The following CAST variants were observed in gnomAD, a reference collection of about 807,000 sequenced individuals.
CAST encodes the protein calpastatin, also known as MIR583 host.
Under a neutral mutation model 119.6 loss-of-function variants are expected in CAST, and 76 were observed. The ratio of observed to expected loss-of-function variants is 0.64; its 90% CI spans 0.53 to 0.77. CAST has a LOEUF of 0.77. Among genes scored for constraint, CAST ranks in the 30% least tolerant of loss-of-function variants. The pLI is 0.00. For synonymous variants in CAST, 319 were observed against 331.6 expected, an observed-to-expected ratio of 0.96 and a Z score of 0.41; for missense variants, 953 against 946.5, an observed-to-expected ratio of 1.01 and a Z score of -0.09.
chr5:96,284,005 G>A, the CAST span, among the ~76,000 whole-genome samples: 9 of 152,174 alleles, frequency 5.9e-5, no homozygotes, highest in African/African-American at 2.2e-4. Flanking sequence ...GTAGGGATGG[G>A]TGCTGTTATG....
At chr5:96,231,795 A>T in the CAST span, among the ~76,000 whole-genome samples, 1 of 152,146 alleles carries the variant, frequency 6.6e-6, no homozygotes, top group Non-Finnish European at 1.5e-5. Flanking sequence ...AAAAAAGCAC[A>T]TTGAATTTTG....
At chr5:96,024,484 G>A in the CAST span, among the ~76,000 whole-genome samples, 4 of 151,954 alleles carry the variant, frequency 2.6e-5, no homozygotes, top group Admixed American at 2.0e-4. Flanking sequence ...CCCTTCCTTG[G>A]CCCCTCTCAA....
chr5:96,222,034 G>A, the CAST span, among the ~76,000 whole-genome samples: 1 of 152,122 alleles, frequency 6.6e-6, no homozygotes, highest in African/African-American at 2.4e-5. Flanking sequence ...AATAAATAGT[G>A]TTGGGAAAAT....
At chr5:96,594,172 T>C (rs554721647) in intron 1 of CAST, among the ~76,000 whole-genome samples, 4 of 152,316 alleles carry the variant, frequency 2.6e-5, no homozygotes, top group African/African-American at 9.6e-5. Flanking sequence ...AAGAAAGCAA[T>C]GATGTTGTAA....
At chr5:96,606,659 G>T (rs903604530) in intron 1 of CAST, among the ~76,000 whole-genome samples, 11 of 152,300 alleles carry the variant, frequency 7.2e-5, no homozygotes, top group African/African-American at 2.6e-4. Flanking sequence ...CCATGAGAAA[G>T]GCCTGCAATG....
the CAST span, among the ~76,000 whole-genome samples, chr5:96,303,146 C>T: frequency 0.01 from 1,584 of 152,306 alleles, 26 homozygotes; most frequent in African/African-American, 0.035. Flanking sequence ...GCACATCCTA[C>T]ATGGCTGGAG....
chr5:96,085,222 A>G, the CAST span, among the ~76,000 whole-genome samples: 1 of 152,202 alleles, frequency 6.6e-6, no homozygotes, highest in Non-Finnish European at 1.5e-5. Context: ...TCTACTGTCT[A>G]TCAATTAAAA....
the CAST span, among the ~76,000 whole-genome samples, chr5:96,183,002 G>C: frequency 1.3e-5 from 2 of 151,972 alleles, no homozygotes; most frequent in African/African-American, 4.8e-5. Flanking sequence ...AGCCGGGCGT[G>C]GTGGCAGGCG....
chr5:96,411,119 G>T, the CAST span: 1 of 758,408 alleles, frequency 1.3e-6, no homozygotes, highest in African/African-American at 1.7e-5. Flanking sequence ...TTCAATTCCA[G>T]ATCTTTTGGC....
intron 1 of CAST, among the ~76,000 whole-genome samples, chr5:96,603,136 T>C (rs1036476269): frequency 1.3e-5 from 2 of 152,232 alleles, no homozygotes; most frequent in Non-Finnish European, 2.9e-5. Flanking sequence ...GCCTTTTGGT[T>C]TGTCAACCTA....
chr5:96,446,194 A>AT, the CAST span, among the ~76,000 whole-genome samples: 1 of 152,002 alleles, frequency 6.6e-6, no homozygotes, highest in Non-Finnish European at 1.5e-5. Context: ...AAAAAAAAAA[A>AT]ATCACAGAAC....
intron 2 of CAST, 119 bp from the exon 3 acceptor site, chr5:96,695,717 G>A (rs888546632): frequency 3.4e-6 from 2 of 590,026 alleles, no homozygotes; most frequent in Non-Finnish European, 6.1e-6. Flanking sequence ...CTTTGGGTGT[G>A]TTTCAAATAT....
the CAST span, among the ~76,000 whole-genome samples, chr5:96,346,610 A>G: frequency 6.6e-6 from 1 of 152,138 alleles, no homozygotes; most frequent in African/African-American, 2.4e-5. Flanking sequence ...GGTAGAAGGT[A>G]TATACTACAT....
rs899465150 is a variant in CAST, at chr5:96,662,571, C to T, written c.75+74C>T. ...GGTCCCGGAGCTGTGGCCGCCCTCC[C>T]TGGGCGTTGCCAGGCTGGCGGGTCT... On this transcript the variant is annotated intron_variant, in intron 1 of 31. Transcript: ENST00000675179. 1.5e-4 allele frequency: 191 copies of T among 1,308,038 alleles called. 2 individuals carry two copies. The Admixed American group carries it at 2.0e-3, about 14-fold the overall frequency. 81.0% of individuals were successfully genotyped at this position (1,308,038 alleles called of 1,614,324 possible). A position where few individuals can be genotyped will look rare whatever the true frequency, so the allele number is the denominator to read the frequency against.
At chr5:96,510,626 A>G in the CAST span, among the ~76,000 whole-genome samples, 64,948 of 152,078 alleles carry the variant, frequency 0.43, 14,346 homozygotes, top group East Asian at 0.56. Flanking sequence ...AAACAAGCCA[A>G]CTGCAGAAAG....
chr5:96,095,687 C>CA, the CAST span, among the ~76,000 whole-genome samples: 1 of 150,114 alleles, frequency 6.7e-6, no homozygotes, highest in African/African-American at 2.5e-5. Flanking sequence ...TGCTAGGCAC[C>CA]AAAAAGAAAT....
chr5:96,043,226 T>C, the CAST span, among the ~76,000 whole-genome samples: 6 of 152,172 alleles, frequency 3.9e-5, no homozygotes, highest in East Asian at 5.8e-4. Context: ...TCTTCTGAAA[T>C]TGTGAATAAA....
the CAST span, among the ~76,000 whole-genome samples, chr5:96,437,084 C>T: frequency 6.6e-6 from 1 of 152,116 alleles, no homozygotes; most frequent in African/African-American, 2.4e-5. Context: ...GATTAGAAGA[C>T]CAAATATCTT....
the CAST span, among the ~76,000 whole-genome samples, chr5:96,203,583 A>G: frequency 6.6e-6 from 1 of 152,126 alleles, no homozygotes; most frequent in Non-Finnish European, 1.5e-5. Flanking sequence ...AAAATGCAAT[A>G]TAAAAGTAGC....
Sources: gnomAD v4.1 joint callset for allele counts (sites outside exome capture counted in the v4.1 genomes callset) on GRCh38, gnomAD v4.1.1 for gene constraint, MANE v1.5 for transcripts, NCBI Gene and HGNC (gene_info 2026-07-23, HGNC 2026-07-21) for gene names.